The following GABRA1 variants were observed in gnomAD, a reference collection of about 807,000 sequenced individuals.
GABRA1 encodes the protein gamma-aminobutyric acid receptor subunit alpha-1.
In GABRA1, 9 loss-of-function variants were observed where a neutral mutation model predicts 48.9. That is an observed-to-expected ratio of 0.18 (90% CI 0.11 to 0.32). The LOEUF is 0.32. Among genes scored for constraint, GABRA1 ranks in the 10% least tolerant of loss-of-function variants. The pLI, the probability that GABRA1 is intolerant of heterozygous loss-of-function variation, is 1.00. For missense variants in GABRA1, 285 were observed against 553.8 expected, an observed-to-expected ratio of 0.51 and a Z score of 4.87; for synonymous variants, 210 against 198.7, an observed-to-expected ratio of 1.06 and a Z score of -0.48.
At position 161,898,094 on chromosome 5, in the gene GABRA1, G is replaced by A. The variant is rs1755456092; in HGVS notation, c.*672G>A. The A allele has an allele frequency of 6.6e-6, 1 of 152,164 alleles. No homozygotes were observed. The highest frequency in any genetic ancestry group is 1.5e-5 in the Non-Finnish European group (1 of 68,052). 9.4% of individuals were successfully genotyped at this position (152,164 alleles called of 1,614,324 possible). A position where few individuals can be genotyped will look rare whatever the true frequency, so the allele number is the denominator to read the frequency against. ...AGTTGCTCATTGTAGAGCACATTTAGTCCAATGAAGATAAATGCTTTAAAT... is the reference window on the plus strand; with the variant it reads ...AGTTGCTCATTGTAGAGCACATTTAATCCAATGAAGATAAATGCTTTAAAT... On this transcript the variant is annotated 3_prime_UTR_variant, in exon 10 of 10. Transcript: ENST00000393943.
chr5:161,884,466 T>C (rs1754752120), intron 7 of GABRA1, among the ~76,000 whole-genome samples: 1 of 152,208 alleles, frequency 6.6e-6, no homozygotes, highest in Non-Finnish European at 1.5e-5. Context: ...TCTCTATCCC[T>C]ATTATTTTCT....
rs140920697 is a variant in GABRA1, at chr5:161,889,142, T to A, written c.704-1756T>A. Among the ~76,000 whole-genome samples, 591 of 152,128 alleles carry A rather than the reference T, an allele frequency of 3.9e-3. 4 individuals carry two copies. Among genetic ancestry groups the A allele is most frequent in the African/African-American group, 0.013 (558 of 41,534 alleles). On this transcript the variant is annotated intron_variant, in intron 7 of 9. Transcript: ENST00000393943. The stretch of plus-strand genomic sequence containing the variant: ...TGCTATTATCAATAACAGTTAATAA[T>A]GAAAGCAGGCATAAGTGCGTAGATA...
Position 161,897,608 on chromosome 5 carries a change from T to C in GABRA1, c.*186T>C. ...TCTGGAGCAAAGCAGACTATGCAGC[T>C]TGGAGACAGGATTCTGACAGAGCAA... On this transcript the variant is annotated 3_prime_UTR_variant, in exon 10 of 10. Coordinates refer to ENST00000393943, the MANE Select transcript of GABRA1 (RefSeq NM_001127644.2). 1 of 620,052 alleles carries C rather than the reference T, an allele frequency of 1.6e-6. No homozygotes were observed. The highest frequency in any genetic ancestry group is 2.8e-6 in the Non-Finnish European group (1 of 358,212). The allele number at this position is 620,052 out of a possible 1,614,324, so 38.4% of individuals were successfully genotyped here. A position where few individuals can be genotyped will look rare whatever the true frequency, so the allele number is the denominator to read the frequency against.
intron 4 of GABRA1, 86 bp from the exon 5 acceptor site, chr5:161,873,031 G>T (rs1293869104): frequency 3.9e-6 from 4 of 1,012,786 alleles, no homozygotes; most frequent in Non-Finnish European, 6.3e-6. Context: ...TTCCAAAGTT[G>T]CAAAAATTAT....
chr5:161,882,359 G>A (rs1754653519), intron 6 of GABRA1, 199 bp from the exon 7 acceptor site: 2 of 586,184 alleles, frequency 3.4e-6, no homozygotes, highest in Non-Finnish European at 5.9e-6. Context: ...CCATTTGTTG[G>A]AAGAGTGAAT....
In GABRA1 at chr5:161,848,867, C is replaced by G. The variant is rs189103944; in HGVS notation, c.-16+445C>G. On this transcript the variant is annotated intron_variant, in intron 1 of 9. Transcript: ENST00000393943. ...AAGTTAAGACGCTGGGACGGAAAACCTGTCTCACTGTTCCATCATCCTAGG... is the reference window on the plus strand; with the variant it reads ...AAGTTAAGACGCTGGGACGGAAAACGTGTCTCACTGTTCCATCATCCTAGG... 1.4e-3 allele frequency: 578 copies of G among 418,150 alleles called. 1 individual carries two copies. The highest frequency in any genetic ancestry group is 2.2e-3 in the Non-Finnish European group (467 of 209,766). The allele number at this position is 418,150 out of a possible 1,614,324, so 25.9% of individuals were successfully genotyped here. A position where few individuals can be genotyped will look rare whatever the true frequency, so the allele number is the denominator to read the frequency against.
intron 1 of GABRA1, 89 bp downstream of exon 1, chr5:161,848,511 G>T (rs1305578147): frequency 5.5e-4 from 51 of 93,010 alleles, no homozygotes; most frequent in East Asian, 5.0e-4. Context: ...TAGTCGGGGG[G>T]GGGGGGCGGG....
At position 161,875,544 on chromosome 5, in the gene GABRA1, C is replaced by T; in HGVS notation, c.477-16C>T. ...AATCTATATGGCTCTTGTTTGTATT[C>T]TATGTTTCCCTTAAGGCTGACAGTG... On this transcript the variant is annotated splice_polypyrimidine_tract_variant and intron_variant, in intron 5 of 9. Transcript: ENST00000393943. 1 of 1,604,116 alleles carries T rather than the reference C, an allele frequency of 6.2e-7. No individual in the cohort carries two copies. Among genetic ancestry groups the T allele is most frequent in the Non-Finnish European group, 8.5e-7 (1 of 1,171,142 alleles).
chr5:161,869,772 T>C (rs1754028351), intron 4 of GABRA1, among the ~76,000 whole-genome samples: 1 of 152,148 alleles, frequency 6.6e-6, no homozygotes, highest in African/African-American at 2.4e-5. Flanking sequence ...ACTTTTCACT[T>C]GAGTGGTGGG....
chr5:161,894,973 T>C (rs1462585548), intron 8 of GABRA1, among the ~76,000 whole-genome samples: 5 of 152,088 alleles, frequency 3.3e-5, no homozygotes, highest in Admixed American at 3.3e-4. Context: ...GTACTGCTAC[T>C]TCTTAGCTGT....
At position 161,891,064 on chromosome 5, in the gene GABRA1, A is replaced by G. The variant is rs1755065995; in HGVS notation, c.856+14A>G. 1 of 1,612,928 alleles carries G rather than the reference A, an allele frequency of 6.2e-7. No homozygotes were observed. The highest frequency in any genetic ancestry group is 8.5e-7 in the Non-Finnish European group (1 of 1,178,952). ...GAACTGTCTTTGGTAAGTCCCAATCAAGATACATACGCAAGGAAGGGTATG... is the reference window on the plus strand; with the variant it reads ...GAACTGTCTTTGGTAAGTCCCAATCGAGATACATACGCAAGGAAGGGTATG... On this transcript the variant is annotated intron_variant, in intron 8 of 9. Coordinates refer to ENST00000393943, the MANE Select transcript of GABRA1 (RefSeq NM_001127644.2).
At chr5:161,882,834 G>C (rs982114343) in intron 7 of GABRA1, 133 bp downstream of exon 7, 2 of 884,512 alleles carry the variant, frequency 2.3e-6, no homozygotes, top group Non-Finnish European at 3.7e-6. Flanking sequence ...GTTGAGCTGG[G>C]AACTAATGTA....
rs1307305461 is a variant in GABRA1 at position 161,898,123 on chromosome 5, T to G, written c.*701T>G. The G allele has an allele frequency of 5.2e-5, 8 of 152,476 alleles. No homozygotes were observed. Among genetic ancestry groups the G allele is most frequent in the African/African-American group, 1.9e-4 (8 of 41,588 alleles). 9.4% of individuals were successfully genotyped at this position (152,476 alleles called of 1,614,324 possible). ...AATGAAGATAAATGCTTTAAATAGTTTACTTCACTTTCATCTGAGCTTTTA... is the reference window on the plus strand; with the variant it reads ...AATGAAGATAAATGCTTTAAATAGTGTACTTCACTTTCATCTGAGCTTTTA... On this transcript the variant is annotated 3_prime_UTR_variant, in exon 10 of 10. Coordinates refer to ENST00000393943, the MANE Select transcript of GABRA1 (RefSeq NM_001127644.2).
At chr5:161,884,834 C>G (rs770457711) in intron 7 of GABRA1, among the ~76,000 whole-genome samples, 2 of 152,148 alleles carry the variant, frequency 1.3e-5, no homozygotes, top group Non-Finnish European at 2.9e-5. Context: ...AGTCATGTTA[C>G]TATAACCCTC....
At chr5:161,888,262 G>T (rs75585382) in intron 7 of GABRA1, among the ~76,000 whole-genome samples, 4,790 of 152,014 alleles carry the variant, frequency 0.032, 120 homozygotes, top group Non-Finnish European at 0.048. Context: ...TTTTGTTTTT[G>T]TTGTGTTTTT....
At chr5:161,873,611 T>C (rs185415248) in intron 5 of GABRA1, among the ~76,000 whole-genome samples, 100 of 152,270 alleles carry the variant, frequency 6.6e-4, no homozygotes, top group Admixed American at 2.7e-3. Flanking sequence ...CTCCCTACTA[T>C]AAAACTCATA....
intron 3 of GABRA1, among the ~76,000 whole-genome samples, chr5:161,856,865 T>G: frequency 6.6e-6 from 1 of 151,236 alleles, no homozygotes; most frequent in East Asian, 1.9e-4. Flanking sequence ...AGCCATAGAC[T>G]TAGAGAAATG....
intron 4 of GABRA1, among the ~76,000 whole-genome samples, chr5:161,866,813 A>T (rs530885000): frequency 2.0e-5 from 3 of 152,258 alleles, no homozygotes; most frequent in Admixed American, 1.3e-4. Flanking sequence ...GGATAATCAG[A>T]TATTTTAGAT....
intron 7 of GABRA1, among the ~76,000 whole-genome samples, chr5:161,886,823 G>A (rs1308011909): frequency 1.3e-5 from 2 of 151,890 alleles, no homozygotes; most frequent in Admixed American, 6.6e-5. Flanking sequence ...CTAGTGTAAG[G>A]GAACTACATG....
Sources: gnomAD v4.1 joint callset for allele counts (sites outside exome capture counted in the v4.1 genomes callset) on GRCh38, gnomAD v4.1.1 for gene constraint, MANE v1.5 for transcripts, NCBI Gene and HGNC (gene_info 2026-07-23, HGNC 2026-07-21) for gene names.